PLCE1: variants seen among roughly 807,000 people sequenced by gnomAD.
PLCE1 encodes the protein phospholipase C epsilon 1.
PLCE1 carries 119 observed loss-of-function variants against 242.8 expected under a neutral mutation model. That is an observed-to-expected ratio of 0.49 (90% CI 0.42 to 0.57). The LOEUF (loss-of-function observed/expected upper bound fraction) is 0.57, where lower values mean the gene tolerates loss of function less well. Ranked by LOEUF, PLCE1 falls within the 20% of genes least tolerant of loss-of-function variation. The probability of loss-of-function intolerance (pLI) is 0.00; values close to 1 mark genes in which losing one functional copy is unlikely to be tolerated. For missense variants in PLCE1, 2,441 were observed against 2,788.8 expected (o/e 0.88, Z 2.81); for synonymous variants, 945 against 1,017.4 (o/e 0.93, Z 1.35).
intron 8 of PLCE1, among the ~76,000 whole-genome samples, chr10:94,247,425 A>G (rs1164460816): frequency 1.3e-5 from 2 of 152,096 alleles, no homozygotes; most frequent in African/African-American, 4.8e-5. Context: ...ATTTTCACTT[A>G]CTCAGGTTTC....
At chr10:94,022,548 G>A (rs967429273) in intron 1 of PLCE1, among the ~76,000 whole-genome samples, 1 of 152,014 alleles carries the variant, frequency 6.6e-6, no homozygotes, top group African/African-American at 2.4e-5. Flanking sequence ...CTATATTATA[G>A]AGTAGAAGCC....
intron 1 of PLCE1, among the ~76,000 whole-genome samples, chr10:93,998,391 C>A (rs913700093): frequency 1.3e-5 from 2 of 152,132 alleles, no homozygotes; most frequent in Non-Finnish European, 2.9e-5. Flanking sequence ...GGCACAGTCT[C>A]TGAGGCCCCT....
chr10:94,045,458 T>C (rs971300881), intron 2 of PLCE1, among the ~76,000 whole-genome samples: 1 of 152,190 alleles, frequency 6.6e-6, no homozygotes, highest in Admixed American at 6.5e-5. Flanking sequence ...TATAATCACG[T>C]TCAGTCCCTT....
At chr10:94,310,860 G>A (rs1379674231) in intron 27 of PLCE1, among the ~76,000 whole-genome samples, 3 of 152,078 alleles carry the variant, frequency 2.0e-5, no homozygotes, top group Admixed American at 6.5e-5. Context: ...CACATTGAGG[G>A]CTCAGTCCCA....
intron 4 of PLCE1, among the ~76,000 whole-genome samples, chr10:94,210,959 G>A (rs2049312118): frequency 6.6e-6 from 1 of 152,188 alleles, no homozygotes; most frequent in Non-Finnish European, 1.5e-5. Flanking sequence ...GGCACAGCTG[G>A]TGGTACCTTC....
chr10:94,298,767 G>A lies in PLCE1; in HGVS notation c.5458+98G>A. On this transcript the variant is annotated intron_variant, in intron 24 of 32. Coordinates refer to ENST00000371380, the MANE Select transcript of PLCE1 (RefSeq NM_016341.4). The surrounding 1 kb of genome is among the most constrained non-coding windows in gnomAD (Gnocchi z 5.2). ...TCAAAGGGGCAAGATTCCAGACTGG[G>A]GCACACCATATGTGAGAGTAAAAAT... 1 of 1,204,946 alleles carries A rather than the reference G, an allele frequency of 8.3e-7. No individual in the cohort carries two copies. Among genetic ancestry groups the A allele is most frequent in the Non-Finnish European group, 1.2e-6 (1 of 812,710 alleles). 74.6% of individuals were successfully genotyped at this position (1,204,946 alleles called of 1,614,324 possible). A position where few individuals can be genotyped will look rare whatever the true frequency, so the allele number is the denominator to read the frequency against.
chr10:94,082,009 T>C (rs545909023), intron 2 of PLCE1: 1 of 152,328 alleles, frequency 6.6e-6, no homozygotes, highest in Admixed American at 6.5e-5. Flanking sequence ...TTAAAGAACC[T>C]TATAAGTATG....
chr10:94,049,988 T>G (rs114540582), intron 2 of PLCE1, among the ~76,000 whole-genome samples: 1,806 of 152,308 alleles, frequency 0.012, 34 homozygotes, highest in African/African-American at 0.041. Flanking sequence ...TTCATGAATA[T>G]CCCACTCTTT....
intron 2 of PLCE1, among the ~76,000 whole-genome samples, chr10:94,127,393 G>T (rs2046465580): frequency 6.6e-6 from 1 of 152,162 alleles, no homozygotes; most frequent in Non-Finnish European, 1.5e-5. Flanking sequence ...TATCAGCCAA[G>T]GTGACAGGGG....
chr10:94,111,639 T>G (rs2045958978), intron 2 of PLCE1, among the ~76,000 whole-genome samples: 2 of 146,386 alleles, frequency 1.4e-5, no homozygotes, highest in African/African-American at 2.5e-5. Context: ...GCCGTGGGTC[T>G]AGACTGAGGC....
intron 2 of PLCE1, among the ~76,000 whole-genome samples, chr10:94,092,945 T>C (rs1218059864): frequency 1.3e-5 from 2 of 152,154 alleles, no homozygotes; most frequent in Non-Finnish European, 2.9e-5. Flanking sequence ...CCTTGGTCTT[T>C]TCAGAAAAAT....
chr10:94,045,826 C>T (rs1483042642), intron 2 of PLCE1, among the ~76,000 whole-genome samples: 3 of 152,072 alleles, frequency 2.0e-5, no homozygotes, highest in East Asian at 1.9e-4. Flanking sequence ...TTGGGCCAGG[C>T]GCGGTGGCTC....
chr10:94,187,151 T>A (rs1243231781), intron 4 of PLCE1, among the ~76,000 whole-genome samples: 2 of 133,248 alleles, frequency 1.5e-5, no homozygotes, highest in African/African-American at 5.8e-5. Context: ...CATATATGTG[T>A]GTGTGTGTGT....
chr10:94,267,269 A>G (rs889400940), intron 16 of PLCE1, among the ~76,000 whole-genome samples: 2 of 152,214 alleles, frequency 1.3e-5, no homozygotes, highest in African/African-American at 2.4e-5. Context: ...AGGGAAATAA[A>G]CAAGGACCAG....
intron 4 of PLCE1, among the ~76,000 whole-genome samples, chr10:94,177,139 C>T (rs1243604461): frequency 6.6e-6 from 1 of 152,146 alleles, no homozygotes; most frequent in Non-Finnish European, 1.5e-5. Context: ...GAAGAAAATT[C>T]CTAATACTTT....
rs759404671 is a variant in PLCE1, at chr10:94,171,469, T to C, written c.1782T>C (p.Leu594=). ...CTCAGAATGGAGAGCACAATGCCCT[T>C]GAAGATCTGGTGATGAGGTTTAATG... is the stretch of plus-strand genomic sequence containing the variant. ...LTTQNGEHNA[L]EDLVMRFNEV... The change falls in exon 4 of 33, where the codon CTT becomes CTC. Residue 594 remains leucine (L), a synonymous_variant. Coordinates refer to ENST00000371380, the MANE Select transcript of PLCE1 (RefSeq NM_016341.4). The C allele has an allele frequency of 3.7e-6, 6 of 1,614,024 alleles. No individual in the cohort carries two copies. The African/African-American group carries it at 8.0e-5, about 22-fold the overall frequency.
intron 20 of PLCE1, among the ~76,000 whole-genome samples, chr10:94,281,645 G>A (rs547510962): frequency 1.1e-4 from 16 of 152,244 alleles, no homozygotes; most frequent in Admixed American, 2.6e-4. Context: ...AGATGCCTCA[G>A]ATATGTAATC....
Position 94,324,163 on chromosome 10 carries a change from G to A in PLCE1, c.6502-186G>A, listed in dbSNP as rs12781451. ...CATAGACTGTTGCAAAGCTAAATGA[G>A]GTAACGTGGGAAATTACATTACAAG... On this transcript the variant is annotated intron_variant, in intron 30 of 32. Coordinates refer to ENST00000371380, the MANE Select transcript of PLCE1 (RefSeq NM_016341.4). 0.23 allele frequency among the ~76,000 whole-genome samples: 35,122 copies of A among 152,134 alleles called. 4,154 individuals carry two copies. The highest frequency in any genetic ancestry group is 0.41 in the Middle Eastern group (121 of 294).
intron 2 of PLCE1, chr10:94,105,312 A>T (rs907169780): frequency 6.6e-6 from 1 of 152,364 alleles, no homozygotes; most frequent in East Asian, 1.9e-4. Flanking sequence ...CCTGCCCACC[A>T]CAGCTCCCCA....
Sources: allele counts gnomAD v4.1 joint callset (sites outside exome capture counted in the v4.1 genomes callset), GRCh38; gene constraint gnomAD v4.1.1; non-coding constraint Gnocchi (gnomAD v3.1); transcripts MANE v1.5; gene names NCBI Gene and HGNC (gene_info 2026-07-23, HGNC 2026-07-21).